Variants in SMARCA2 observed in about 807,000 individuals in gnomAD.
The protein encoded by SMARCA2 is SWI/SNF related BAF chromatin remodeling complex subunit ATPase 2.
A neutral mutation model predicts 199.8 loss-of-function variants in SMARCA2; 61 were observed. The observed-to-expected ratio is 0.31, with a 90% CI of 0.25 to 0.38. The LOEUF is 0.38. Among genes scored for constraint, SMARCA2 ranks in the 10% least tolerant of loss-of-function variants. The pLI is 1.00. For missense variants in SMARCA2, 1,344 were observed against 2,012.2 expected (o/e 0.67, Z 6.35); for synonymous variants, 935 against 732.0 (o/e 1.28, Z -4.48).
intron 28 of SMARCA2, among the ~76,000 whole-genome samples, chr9:2,167,050 G>A (rs985365776): frequency 2.6e-5 from 4 of 152,230 alleles, no homozygotes; most frequent in African/African-American, 9.6e-5. Flanking sequence ...TCAACATGAA[G>A]TGTAACAGTC....
rs1825666533 is a variant in SMARCA2, at chr9:2,161,407, G to C, written c.3982-279G>C. Among the ~76,000 whole-genome samples the C allele has an allele frequency of 6.6e-6, 1 of 151,932 alleles. No individual in the cohort carries two copies. Among genetic ancestry groups the C allele is most frequent in the Non-Finnish European group, 1.5e-5 (1 of 67,994 alleles). Reference sequence around the variant, plus strand: ...TTATCATCAAACACTTGAATTTATAGATCTTTTAATATTTGTCATATTCTC... The same window carrying C: ...TTATCATCAAACACTTGAATTTATACATCTTTTAATATTTGTCATATTCTC... On this transcript the variant is annotated intron_variant, in intron 27 of 33. Transcript: ENST00000349721. The surrounding 1 kb of genome is among the most constrained non-coding windows in gnomAD (Gnocchi z 4.7).
At chr9:2,055,913 A>G (rs958940455) in intron 6 of SMARCA2, among the ~76,000 whole-genome samples, 5 of 152,020 alleles carry the variant, frequency 3.3e-5, no homozygotes, top group Non-Finnish European at 5.9e-5. Context: ...TTGATTTCTG[A>G]TTTTTGTTTG....
intron 16 of SMARCA2, 143 bp downstream of exon 16, chr9:2,083,556 A>G (rs1821661554): frequency 1.9e-6 from 1 of 536,442 alleles, no homozygotes; most frequent in Non-Finnish European, 3.3e-6. Flanking sequence ...AGAGTTAATC[A>G]TCCCAAGAAG....
At chr9:2,186,284 GTC>G in intron 32 of SMARCA2, 56 bp downstream of exon 32, 1 of 1,544,754 alleles carries the variant, frequency 6.5e-7, no homozygotes, top group Non-Finnish European at 8.8e-7. Context: ...CTGCATAGCT[GTC>G]TCCACAGATG....
chr9:2,160,529 T>A (rs1325336572), intron 27 of SMARCA2: 8 of 670,804 alleles, frequency 1.2e-5, no homozygotes, highest in Non-Finnish European at 2.2e-5. Flanking sequence ...GTGAAAGAAA[T>A]TATGTCTGAG....
chr9:2,038,317 A>G (rs1320341323), intron 3 of SMARCA2, among the ~76,000 whole-genome samples: 1 of 152,182 alleles, frequency 6.6e-6, no homozygotes, highest in Non-Finnish European at 1.5e-5. Context: ...TGTTGTAAGG[A>G]TTGAAGAAAT....
chr9:2,161,721 G>A lies in SMARCA2; in HGVS notation c.4017G>A (p.Glu1339=), dbSNP rs774311921. Residue 1339 remains glutamate, a synonymous_variant, in exon 28 of 34, where the codon GAG becomes GAA. Transcript: ENST00000349721. The surrounding 1 kb of genome is among the most constrained non-coding windows in gnomAD (Gnocchi z 4.7). ...ACGGCAATTTGGAGGAAATGGAAGA[G>A]GAAGTACGGCTTAAGAAGCGAAAAA... The part of the protein sequence containing the change: ...IEDGNLEEME[E]EVRLKKRKRR... 6.2e-7 allele frequency: 1 copy of A among 1,614,028 alleles called. No individual in the cohort carries two copies. Among genetic ancestry groups the A allele is most frequent in the South Asian group, 1.1e-5 (1 of 91,076 alleles).
chr9:2,129,207 A>G lies in SMARCA2; in HGVS notation c.3981+5270A>G, dbSNP rs542830564. Among the ~76,000 whole-genome samples, 5 of 152,272 alleles carry G rather than the reference A, an allele frequency of 3.3e-5. 1 individual carries two copies. The South Asian group carries it at 1.0e-3, about 32-fold the overall frequency. The stretch of plus-strand genomic sequence containing the variant: ...GGCGAGGCGGGTGGAACATGAGGTC[A>G]GGAGATCGAGACCATCCTGGCTAAC... On this transcript the variant is annotated intron_variant, in intron 27 of 33. Coordinates refer to ENST00000349721, the MANE Select transcript of SMARCA2 (RefSeq NM_003070.5).
At chr9:2,050,402 A>G (rs1820065956) in intron 5 of SMARCA2, among the ~76,000 whole-genome samples, 1 of 150,844 alleles carries the variant, frequency 6.6e-6, no homozygotes, top group African/African-American at 2.4e-5. Flanking sequence ...TTCTATTTAG[A>G]GTTAGATGTC....
intron 29 of SMARCA2, among the ~76,000 whole-genome samples, chr9:2,172,512 C>G (rs982876378): frequency 6.6e-6 from 1 of 152,044 alleles, no homozygotes; most frequent in Non-Finnish European, 1.5e-5. Flanking sequence ...CAGTCCCCCT[C>G]TAGAGACTAC....
intron 27 of SMARCA2, among the ~76,000 whole-genome samples, chr9:2,137,764 C>CG (rs144727252): frequency 0.026 from 3,957 of 152,218 alleles, 91 homozygotes; most frequent in Non-Finnish European, 0.035. Flanking sequence ...GCGTGGTAAG[C>CG]ACTCTTTAAA....
chr9:2,140,939 A>C (rs1293259697), intron 27 of SMARCA2, among the ~76,000 whole-genome samples: 1 of 152,042 alleles, frequency 6.6e-6, no homozygotes, highest in Non-Finnish European at 1.5e-5. Context: ...TAAGGGATAC[A>C]TGGAGACCTG....
At chr9:2,036,100 T>C (rs1322699514) in intron 3 of SMARCA2, among the ~76,000 whole-genome samples, 1 of 152,194 alleles carries the variant, frequency 6.6e-6, no homozygotes, top group African/African-American at 2.4e-5. Context: ...ATTGTGTACC[T>C]TATGGTCCCA....
At chr9:2,100,779 A>T (rs1168433727) in intron 21 of SMARCA2, among the ~76,000 whole-genome samples, 4 of 152,104 alleles carry the variant, frequency 2.6e-5, no homozygotes, top group Admixed American at 6.6e-5. Context: ...TTTATTGCTG[A>T]ATTTTTCCAC....
intron 1 of SMARCA2, among the ~76,000 whole-genome samples, chr9:2,020,821 C>G (rs987212847): frequency 2.0e-5 from 3 of 152,056 alleles, no homozygotes; most frequent in Non-Finnish European, 2.9e-5. Flanking sequence ...AATAGCTGGT[C>G]TTTTGAATGT....
intron 29 of SMARCA2, among the ~76,000 whole-genome samples, chr9:2,177,223 T>C (rs953433038): frequency 6.6e-6 from 1 of 152,228 alleles, no homozygotes; most frequent in African/African-American, 2.4e-5. Context: ...TTTAAAGTTT[T>C]CTTCCCAAAC....
intron 27 of SMARCA2, among the ~76,000 whole-genome samples, chr9:2,129,400 A>G (rs1823840348): frequency 6.6e-6 from 1 of 152,170 alleles, no homozygotes. Flanking sequence ...CCTGGGCGAC[A>G]CAGCGAGACT....
At chr9:2,036,356 T>C (rs1819332907) in intron 3 of SMARCA2, among the ~76,000 whole-genome samples, 2 of 152,118 alleles carry the variant, frequency 1.3e-5, no homozygotes, top group Admixed American at 6.5e-5. Context: ...CTGCCACTTT[T>C]TGACTACTTT....
intron 19 of SMARCA2, among the ~76,000 whole-genome samples, chr9:2,091,488 A>G (rs1350045399): frequency 6.6e-6 from 1 of 152,218 alleles, no homozygotes; most frequent in Admixed American, 6.5e-5. Context: ...CATTACATGG[A>G]TGCAGCGCAG....
Sources: allele counts gnomAD v4.1 joint callset (sites outside exome capture counted in the v4.1 genomes callset), GRCh38; gene constraint gnomAD v4.1.1; non-coding constraint Gnocchi (gnomAD v3.1); transcripts MANE v1.5; gene names NCBI Gene and HGNC (gene_info 2026-07-23, HGNC 2026-07-21).